CTNNB1: variants seen among roughly 807,000 people sequenced by gnomAD.
The protein encoded by CTNNB1 is catenin beta-1.
CTNNB1 carries 6 observed loss-of-function variants against 82.5 expected under a neutral mutation model. The observed-to-expected ratio is 0.07, with a 90% CI of 0.04 to 0.14. CTNNB1 has a LOEUF of 0.14. Ranked by LOEUF, CTNNB1 falls within the 10% of genes least tolerant of loss-of-function variation. CTNNB1 has a pLI of 1.00. For synonymous variants in CTNNB1, 312 were observed against 329.7 expected (o/e 0.95, Z 0.58); for missense variants, 529 against 980.4 (o/e 0.54, Z 6.15).
chr3:41,231,298 G>A (rs2078301589), intron 7 of CTNNB1, among the ~76,000 whole-genome samples: 1 of 150,696 alleles, frequency 6.6e-6, no homozygotes. Context: ...CTGCACTTCA[G>A]CCTGGGCGAC....
At chr3:41,222,728 T>C (rs1474218529) in intron 1 of CTNNB1, among the ~76,000 whole-genome samples, 1 of 152,178 alleles carries the variant, frequency 6.6e-6, no homozygotes, top group East Asian at 1.9e-4. Context: ...GGAAGCCGGA[T>C]GTATCAAAGC....
In CTNNB1 at chr3:41,233,870, A is replaced by G. The variant is rs1194014864; in HGVS notation, c.1524+3A>G. The G allele has an allele frequency of 1.2e-6, 2 of 1,613,798 alleles. No individual in the cohort carries two copies. Among genetic ancestry groups the G allele is most frequent in the African/African-American group, 1.3e-5 (1 of 75,030 alleles). ...CATCCCACTGGCCTCTGATAAAGGT[A>G]AATTGTCAAAGTAGAATTTACCTTT... On this transcript the variant is annotated splice_donor_region_variant and intron_variant, in intron 9 of 14. Coordinates refer to ENST00000349496, the MANE Select transcript of CTNNB1 (RefSeq NM_001904.4).
rs748653573 is a variant in CTNNB1, at chr3:41,238,067, C to A, written c.2128C>A (p.Arg710Ser). Reference sequence around the variant, plus strand: ...TGCCCAGGGAGAACCCCTTGGATATCGCCAGGATGGTATGTGTCTCATATT... The same window carrying A: ...TGCCCAGGGAGAACCCCTTGGATATAGCCAGGATGGTATGTGTCTCATATT... ...IGAQGEPLGY[R>S]QDDPSYRSFH... The change falls in exon 14 of 15, where the codon CGC becomes AGC. Residue 710 changes from arginine (R) to serine (S), a missense_variant. By Grantham distance (110) the Arg-to-Ser change is moderately radical. Transcript: ENST00000349496. 9 of 1,613,422 alleles carry A rather than the reference C, an allele frequency of 5.6e-6. No individual in the cohort carries two copies. The highest frequency in any genetic ancestry group is 7.6e-6 in the Non-Finnish European group (9 of 1,179,374).
rs562375993 is a variant in CTNNB1 at position 41,231,055 on chromosome 3, C to T, written c.1082-2286C>T. The stretch of plus-strand genomic sequence containing the variant: ...TAGAAGGAAAGAGATTGGTCAGGCA[C>T]GGTGGCTCACGCCTGTAATTCCAGC... On this transcript the variant is annotated intron_variant, in intron 7 of 14. Transcript: ENST00000349496. Among the ~76,000 whole-genome samples, 301 of 152,284 alleles carry T rather than the reference C, an allele frequency of 2.0e-3. 2 individuals carry two copies. Among genetic ancestry groups the T allele is most frequent in the African/African-American group, 6.8e-3 (284 of 41,566 alleles).
chr3:41,202,281 TG>T (rs1164158069), intron 1 of CTNNB1, among the ~76,000 whole-genome samples: 2 of 152,268 alleles, frequency 1.3e-5, no homozygotes, highest in East Asian at 3.9e-4. Flanking sequence ...GATGAGTAGG[TG>T]GTAAGTTTTA....
At chr3:41,231,479 A>T (rs2078307588) in intron 7 of CTNNB1, among the ~76,000 whole-genome samples, 1 of 152,184 alleles carries the variant, frequency 6.6e-6, no homozygotes, top group Non-Finnish European at 1.5e-5. Flanking sequence ...GGTTCCTATA[A>T]GATAGTTACT....
At chr3:41,202,511 G>C (rs955123099) in intron 1 of CTNNB1, among the ~76,000 whole-genome samples, 1 of 152,278 alleles carries the variant, frequency 6.6e-6, no homozygotes, top group South Asian at 2.1e-4. Flanking sequence ...TGTTGAAACT[G>C]CTTGACTGAG....
At chr3:41,217,842 ATTCT>A (rs1023540592) in intron 1 of CTNNB1, among the ~76,000 whole-genome samples, 13 of 152,108 alleles carry the variant, frequency 8.5e-5, no homozygotes, top group African/African-American at 2.9e-4. Flanking sequence ...CTGCAGTATG[ATTCT>A]TTCTTTTTTT....
Position 41,224,046 on chromosome 3 carries a change from G to GT in CTNNB1, c.-19dup. 6.2e-7 allele frequency: 1 copy of GT among 1,613,226 alleles called. No individual in the cohort carries two copies. Among genetic ancestry groups the GT allele is most frequent in the Non-Finnish European group, 8.5e-7 (1 of 1,179,258 alleles). On this transcript the variant is annotated 5_prime_UTR_variant, in exon 2 of 15. Coordinates refer to ENST00000349496, the MANE Select transcript of CTNNB1 (RefSeq NM_001904.4). ...GGTATTTGAAGTATACCATACAACT[G>GT]TTTTGAAAATCCAGCGTGGACAATG...
At chr3:41,200,600 T>A (rs1012352983) in intron 1 of CTNNB1, among the ~76,000 whole-genome samples, 1 of 152,246 alleles carries the variant, frequency 6.6e-6, no homozygotes, top group Non-Finnish European at 1.5e-5. Flanking sequence ...GCAGCTAAAA[T>A]TGAATTATAG....
At chr3:41,211,992 G>A (rs960557087) in intron 1 of CTNNB1, among the ~76,000 whole-genome samples, 7 of 152,136 alleles carry the variant, frequency 4.6e-5, no homozygotes, top group African/African-American at 1.7e-4. Context: ...AAAAGCTCAA[G>A]CTCCTGTATA....
chr3:41,225,702 C>G lies in CTNNB1; in HGVS notation c.777C>G (p.Leu259=), dbSNP rs768793451. The change falls in exon 6 of 15, where the codon CTC becomes CTG. Residue 259 remains leucine, a synonymous_variant. Transcript: ENST00000349496. The surrounding 1 kb of genome is among the most constrained non-coding windows in gnomAD (Gnocchi z 5.3). ...TGTTGTTTTATGCCATTACAACTCT[C>G]CACAACCTTTTATTACATCAAGAAG... is the stretch of plus-strand genomic sequence containing the variant. ...DSVLFYAITT[L]HNLLLHQEGA... 3.7e-6 allele frequency: 6 copies of G among 1,614,150 alleles called. No individual in the cohort carries two copies. Among genetic ancestry groups the G allele is most frequent in the Non-Finnish European group, 5.1e-6 (6 of 1,180,014 alleles).
chr3:41,227,552 T>A (rs565066730), intron 7 of CTNNB1, among the ~76,000 whole-genome samples, 200 bp downstream of exon 7: 1 of 152,244 alleles, frequency 6.6e-6, no homozygotes, highest in African/African-American at 2.4e-5. Context: ...AGAGTTCTTA[T>A]TATCCATCAA....
At position 41,233,873 on chromosome 3, in the gene CTNNB1, T is replaced by C. The variant is rs2125640973; in HGVS notation, c.1524+6T>C. 2 of 1,613,654 alleles carry C rather than the reference T, an allele frequency of 1.2e-6. No individual in the cohort carries two copies. The highest frequency in any genetic ancestry group is 2.2e-5 in the South Asian group (2 of 91,060). On this transcript the variant is annotated splice_donor_region_variant and intron_variant, in intron 9 of 14. Coordinates refer to ENST00000349496, the MANE Select transcript of CTNNB1 (RefSeq NM_001904.4). ...CCCACTGGCCTCTGATAAAGGTAAATTGTCAAAGTAGAATTTACCTTTGTT... is the reference window on the plus strand; with the variant it reads ...CCCACTGGCCTCTGATAAAGGTAAACTGTCAAAGTAGAATTTACCTTTGTT...
intron 10 of CTNNB1, 67 bp from the exon 11 acceptor site, chr3:41,235,657 C>G: frequency 5.6e-6 from 9 of 1,597,742 alleles, no homozygotes; most frequent in Non-Finnish European, 6.9e-6. Context: ...TAATTACAGT[C>G]TAATAATTGT....
At chr3:41,205,472 A>G (rs1448000279) in intron 1 of CTNNB1, among the ~76,000 whole-genome samples, 1 of 152,066 alleles carries the variant, frequency 6.6e-6, no homozygotes, top group Non-Finnish European at 1.5e-5. Flanking sequence ...GGGAGGGTGG[A>G]TCACCTGAGG....
At chr3:41,224,169 C>G (rs1378541145) in intron 2 of CTNNB1, 88 bp downstream of exon 2, 1 of 1,449,606 alleles carries the variant, frequency 6.9e-7, no homozygotes, top group Non-Finnish European at 9.7e-7. Context: ...CTGCTTTCCT[C>G]TCTCCCTGCT....
At position 41,225,687 on chromosome 3, in the gene CTNNB1, T is replaced by C; in HGVS notation, c.762T>C (p.Tyr254=). ...CACCAGTGGATTCTGTGTTGTTTTA[T>C]GCCATTACAACTCTCCACAACCTTT... ...LGSPVDSVLF[Y]AITTLHNLLL... Residue 254 remains tyrosine, a synonymous_variant, in exon 6 of 15, where the codon TAT becomes TAC. Coordinates refer to ENST00000349496, the MANE Select transcript of CTNNB1 (RefSeq NM_001904.4). The surrounding 1 kb of genome is among the most constrained non-coding windows in gnomAD (Gnocchi z 5.3). 1 of 1,614,190 alleles carries C rather than the reference T, an allele frequency of 6.2e-7. No homozygotes were observed. The highest frequency in any genetic ancestry group is 2.2e-5 in the East Asian group (1 of 44,888).
chr3:41,201,697 CTTAAAAAAAAATAAGGTGGCTAA>C (rs2077534181), intron 1 of CTNNB1, among the ~76,000 whole-genome samples: 1 of 150,740 alleles, frequency 6.6e-6, no homozygotes, highest in Non-Finnish European at 1.5e-5. Context: ...GAAAAACCAA[CTTAAAAAAAAATAAGGTGGCTAA>C]TTAAAAAAAA....
Sources: allele counts gnomAD v4.1 joint callset (sites outside exome capture counted in the v4.1 genomes callset), GRCh38; gene constraint gnomAD v4.1.1; non-coding constraint Gnocchi (gnomAD v3.1); transcripts MANE v1.5; gene names NCBI Gene and HGNC (gene_info 2026-07-23, HGNC 2026-07-21).